Variants in GARNL3 observed in about 807,000 individuals in gnomAD.
GARNL3 encodes the protein GTPase-activating Rap/Ran-GAP domain-like protein 3.
A neutral mutation model predicts 125.0 loss-of-function variants in GARNL3; 63 were observed. The observed-to-expected ratio is 0.50, with a 90% CI of 0.41 to 0.62. The LOEUF is 0.62. Among genes scored for constraint, GARNL3 ranks in the 20% least tolerant of loss-of-function variants. The pLI, the probability that GARNL3 is intolerant of heterozygous loss-of-function variation, is 0.00. For synonymous variants in GARNL3, 439 were observed against 457.5 expected, an observed-to-expected ratio of 0.96 and a Z score of 0.52; for missense variants, 994 against 1,244.0, an observed-to-expected ratio of 0.80 and a Z score of 3.02.
chr9:127,273,645 A>T (rs538163080), intron 1 of GARNL3, among the ~76,000 whole-genome samples: 4 of 152,010 alleles, frequency 2.6e-5, no homozygotes, highest in South Asian at 4.2e-4. Context: ...GCATTGATGG[A>T]CAGAGTGGAA....
intron 1 of GARNL3, among the ~76,000 whole-genome samples, chr9:127,237,329 CTT>C (rs1453269967): frequency 6.6e-6 from 1 of 152,208 alleles, no homozygotes; most frequent in Non-Finnish European, 1.5e-5. Context: ...CCATGATACT[CTT>C]GTCACTGTCT....
At chr9:127,246,905 C>A (rs1228479954) in intron 2 of GARNL3, among the ~76,000 whole-genome samples, 5 of 149,076 alleles carry the variant, frequency 3.4e-5, no homozygotes, top group African/African-American at 1.2e-4. Flanking sequence ...GTGAAATGGA[C>A]CTTGAGAAAG....
At chr9:127,370,105 A>G (rs1190839663) in intron 22 of GARNL3, among the ~76,000 whole-genome samples, 1 of 152,228 alleles carries the variant, frequency 6.6e-6, no homozygotes, top group Admixed American at 6.5e-5. Context: ...ACACAACTGT[A>G]AGACACTAAG....
At chr9:127,342,996 C>T (rs1829950462) in intron 14 of GARNL3, among the ~76,000 whole-genome samples, 1 of 148,368 alleles carries the variant, frequency 6.7e-6, no homozygotes, top group South Asian at 2.1e-4. Context: ...CTCCTGGGTT[C>T]AAGCAATTCT....
At chr9:127,349,795 A>G (rs951627922) in intron 17 of GARNL3, among the ~76,000 whole-genome samples, 6 of 152,202 alleles carry the variant, frequency 3.9e-5, no homozygotes, top group African/African-American at 1.4e-4. Context: ...AGGCACAGAG[A>G]CAATGTCTCC....
At chr9:127,327,575 T>A (rs183918338) in intron 7 of GARNL3, among the ~76,000 whole-genome samples, 1 of 152,282 alleles carries the variant, frequency 6.6e-6, no homozygotes, top group Non-Finnish European at 1.5e-5. Flanking sequence ...TTGCTTTTTT[T>A]ATTTTTTAAG....
At chr9:127,320,054 A>C (rs988417756) in intron 5 of GARNL3, among the ~76,000 whole-genome samples, 2 of 152,228 alleles carry the variant, frequency 1.3e-5, no homozygotes, top group South Asian at 4.1e-4. Context: ...CCTAGATTCA[A>C]GTCCTGGCTC....
intron 2 of GARNL3, among the ~76,000 whole-genome samples, chr9:127,297,376 T>A (rs2064634588): frequency 6.6e-6 from 1 of 152,212 alleles, no homozygotes; most frequent in African/African-American, 2.4e-5. Context: ...TGGGCTCAAG[T>A]AATTCGCCCA....
chr9:127,277,998 C>T (rs922418739), intron 1 of GARNL3, among the ~76,000 whole-genome samples: 2 of 152,190 alleles, frequency 1.3e-5, no homozygotes, highest in Non-Finnish European at 2.9e-5. Flanking sequence ...ATCCACAAAT[C>T]AGCTAGAAGA....
At chr9:127,233,702 C>T (rs2063061201) in intron 1 of GARNL3, among the ~76,000 whole-genome samples, 2 of 152,224 alleles carry the variant, frequency 1.3e-5, no homozygotes, top group Non-Finnish European at 1.5e-5. Flanking sequence ...TTGCTCTGTG[C>T]ATGGTGGTTT....
intron 22 of GARNL3, among the ~76,000 whole-genome samples, chr9:127,368,583 A>C (rs541312205): frequency 6.7e-6 from 1 of 149,328 alleles, no homozygotes; most frequent in Non-Finnish European, 1.5e-5. Flanking sequence ...CACCTGCCTC[A>C]GCCTCCCAAA....
intron 7 of GARNL3, among the ~76,000 whole-genome samples, chr9:127,327,192 A>G (rs2065600794): frequency 1.3e-5 from 2 of 152,230 alleles, no homozygotes; most frequent in African/African-American, 4.8e-5. Context: ...TGCATGTACC[A>G]TGTACTGTTT....
At chr9:127,391,533 A>AATATATATATAT (rs1554741684) in intron 27 of GARNL3, among the ~76,000 whole-genome samples, 16 of 75,688 alleles carry the variant, frequency 2.1e-4, no homozygotes, top group Non-Finnish European at 4.5e-4. Flanking sequence ...ACAAAAAAAA[A>AATATATATATAT]ATATATATAT....
At chr9:127,290,017 C>T (rs933104628) in intron 1 of GARNL3, among the ~76,000 whole-genome samples, 1 of 152,120 alleles carries the variant, frequency 6.6e-6, no homozygotes, top group Non-Finnish European at 1.5e-5. Context: ...GTTCACATCC[C>T]AGCTCTACCT....
intron 7 of GARNL3, among the ~76,000 whole-genome samples, chr9:127,328,369 G>A (rs888783497): frequency 7.9e-5 from 12 of 152,204 alleles, no homozygotes; most frequent in African/African-American, 2.9e-4. Context: ...GGATAAATTG[G>A]GAGCATTTAT....
Position 127,335,274 on chromosome 9 carries a change from C to T in GARNL3, c.814C>T (p.His272Tyr). The stretch of plus-strand genomic sequence containing the variant: ...TTCAGTTTATACTGTGTACCAAGGG[C>T]ATGAGATCATGTTTCATGTTTCCAC... ...IHSVYTVYQG[H>Y]EIMFHVSTML... Residue 272 changes from histidine to tyrosine, a missense_variant, in exon 10 of 28, where the codon CAT becomes TAT. Transcript: ENST00000373387. The T allele has an allele frequency of 6.2e-7, 1 of 1,613,978 alleles. No individual in the cohort carries two copies. The highest frequency in any genetic ancestry group is 8.5e-7 in the Non-Finnish European group (1 of 1,179,838).
intron 2 of GARNL3, among the ~76,000 whole-genome samples, chr9:127,307,586 G>C (rs1232236294): frequency 1.3e-5 from 2 of 152,212 alleles, no homozygotes; most frequent in African/African-American, 4.8e-5. Flanking sequence ...ACATGGAGTT[G>C]TTATGATGTA....
chr9:127,349,087 TTC>T, intron 17 of GARNL3, 52 bp downstream of exon 17: 1 of 1,259,380 alleles, frequency 7.9e-7, no homozygotes, highest in Non-Finnish European at 1.2e-6. Context: ...CTTGTAGTAC[TTC>T]TAAGATGAGT....
At chr9:127,340,623 C>T (rs953063367) in intron 13 of GARNL3, among the ~76,000 whole-genome samples, 1 of 150,186 alleles carries the variant, frequency 6.7e-6, no homozygotes, top group African/African-American at 2.5e-5. Context: ...TGTTGCCGTG[C>T]AGCTCTGAGA....
Sources: gnomAD v4.1 joint callset for allele counts (sites outside exome capture counted in the v4.1 genomes callset) on GRCh38, gnomAD v4.1.1 for gene constraint, MANE v1.5 for transcripts, NCBI Gene and HGNC (gene_info 2026-07-23, HGNC 2026-07-21) for gene names.